Variants in KLC1 observed in about 807,000 individuals in gnomAD.
The protein encoded by KLC1 is kinesin light chain 1.
In KLC1, 30 loss-of-function variants were observed where a neutral mutation model predicts 84.2. The observed-to-expected ratio is 0.36, with a 90% CI of 0.27 to 0.48. KLC1 has a LOEUF of 0.48. KLC1 is among the 20% of genes least tolerant of loss of function. The probability of loss-of-function intolerance (pLI) is 0.99; values close to 1 mark genes in which losing one functional copy is unlikely to be tolerated. For synonymous variants in KLC1, 289 were observed against 293.3 expected (o/e 0.99, Z 0.15); for missense variants, 499 against 805.4 (o/e 0.62, Z 4.60).
At chr14:103,692,210 A>G in intron 14 of KLC1, 149 bp from the exon 15 acceptor site, 1 of 644,684 alleles carries the variant, frequency 1.6e-6, no homozygotes, top group Non-Finnish European at 2.7e-6. Flanking sequence ...GAGACATAGG[A>G]CTCCCCGGTT....
chr14:103,659,981 A>G (rs1014551798), intron 3 of KLC1, among the ~76,000 whole-genome samples: 1 of 152,036 alleles, frequency 6.6e-6, no homozygotes, highest in Non-Finnish European at 1.5e-5. Context: ...CACTAATCCC[A>G]TCATGAGGGC....
Position 103,694,706 on chromosome 14 carries a change from G to A in KLC1, c.1848+2281G>A, listed in dbSNP as rs893231123. The A allele has an allele frequency of 5.1e-6, 5 of 985,494 alleles. No homozygotes were observed. The highest frequency in any genetic ancestry group is 4.8e-6 in the Non-Finnish European group (4 of 829,934). The allele number at this position is 985,494 out of a possible 1,614,324, so 61.0% of individuals were successfully genotyped here. A position where few individuals can be genotyped will look rare whatever the true frequency, so the allele number is the denominator to read the frequency against. ...GTGAAACACCAGCCATCCCGTGAAA[G>A]CTCAGCTTGCCACTGTCATGTAACA... On this transcript the variant is annotated intron_variant, in intron 15 of 16. Transcript: ENST00000334553. This position sits in a 1 kb window ranked among gnomAD's most constrained non-coding sequence, Gnocchi z 4.5.
intron 9 of KLC1, among the ~76,000 whole-genome samples, chr14:103,674,494 A>C (rs947548888): frequency 3.3e-5 from 5 of 151,488 alleles, no homozygotes; most frequent in Non-Finnish European, 5.9e-5. Flanking sequence ...GGCTCACTGC[A>C]ACCTCTGCCT....
intron 1 of KLC1, among the ~76,000 whole-genome samples, chr14:103,642,619 T>C (rs1033498339): frequency 6.6e-6 from 1 of 152,072 alleles, no homozygotes; most frequent in Non-Finnish European, 1.5e-5. Flanking sequence ...GCCTGAAGCT[T>C]CTTCTAGTGT....
In KLC1 at chr14:103,701,196, T is replaced by C; in HGVS notation, c.*2-5T>C. 6.4e-7 allele frequency: 1 copy of C among 1,550,914 alleles called. No homozygotes were observed. The highest frequency in any genetic ancestry group is 8.7e-7 in the Non-Finnish European group (1 of 1,146,490). On this transcript the variant is annotated splice_region_variant and splice_polypyrimidine_tract_variant and intron_variant, in intron 16 of 16. Transcript: ENST00000334553. ...CCAGCCCTGACCTTCTATCTTCTCT[T>C]GCAGTGACCCCGACCTGGCCCCGCT... is the stretch of plus-strand genomic sequence containing the variant.
At chr14:103,685,505 A>G (rs1865221239) in intron 13 of KLC1, 1 of 1,271,064 alleles carries the variant, frequency 7.9e-7, no homozygotes, top group Non-Finnish European at 1.0e-6. Flanking sequence ...AGGTCATCCC[A>G]GTCCTAAAGC....
chr14:103,660,386 C>T (rs1453432607), intron 3 of KLC1, among the ~76,000 whole-genome samples: 2 of 151,278 alleles, frequency 1.3e-5, no homozygotes, highest in Non-Finnish European at 2.9e-5. Flanking sequence ...GAGGCTGAGG[C>T]AGGAGAATCG....
chr14:103,698,976 CAG>C, intron 15 of KLC1: 1 of 1,598,662 alleles, frequency 6.3e-7, no homozygotes, highest in Non-Finnish European at 8.5e-7. Flanking sequence ...CTGGTTAGCC[CAG>C]GTTATGCCAA....
intron 1 of KLC1, among the ~76,000 whole-genome samples, chr14:103,632,428 C>T (rs1273309720): frequency 6.6e-6 from 1 of 151,082 alleles, no homozygotes. Flanking sequence ...ACAAAAAGAG[C>T]CGCTGTCAGC....
At chr14:103,649,145 A>G (rs1380376649) in intron 1 of KLC1, among the ~76,000 whole-genome samples, 1 of 151,988 alleles carries the variant, frequency 6.6e-6, no homozygotes, top group Admixed American at 6.6e-5. Flanking sequence ...TTAAAAAAAA[A>G]CAAAGAAACA....
chr14:103,666,773 CTTTCTT>C (rs950671422), intron 5 of KLC1, among the ~76,000 whole-genome samples: 1 of 104,698 alleles, frequency 9.6e-6, no homozygotes, highest in Non-Finnish European at 2.0e-5. Context: ...CATTTTTTTT[CTTTCTT>C]TTTTTTTTTT....
chr14:103,664,161 C>T (rs1174891774), intron 5 of KLC1, among the ~76,000 whole-genome samples: 1 of 151,676 alleles, frequency 6.6e-6, no homozygotes, highest in Non-Finnish European at 1.5e-5. Context: ...TTTCTTTTTT[C>T]TTTTTTTTGA....
intron 7 of KLC1, among the ~76,000 whole-genome samples, chr14:103,671,996 A>G (rs1225279895): frequency 6.6e-6 from 1 of 152,146 alleles, no homozygotes; most frequent in Non-Finnish European, 1.5e-5. Context: ...AGAGTTGGTG[A>G]TTTACAGATC....
intron 15 of KLC1, chr14:103,697,920 C>G (rs1041955715): frequency 6.6e-6 from 1 of 152,524 alleles, no homozygotes; most frequent in South Asian, 2.1e-4. Flanking sequence ...CCTGCCATAT[C>G]CCTACCAGAA....
At chr14:103,678,440 G>A (rs75765402) in intron 12 of KLC1, among the ~76,000 whole-genome samples, 16 of 151,982 alleles carry the variant, frequency 1.1e-4, no homozygotes, top group East Asian at 7.7e-4. Context: ...ATTCCTGCAC[G>A]TTGGGAGGCT....
chr14:103,677,185 T>G (rs889503797), intron 11 of KLC1, among the ~76,000 whole-genome samples: 1 of 152,192 alleles, frequency 6.6e-6, no homozygotes, highest in African/African-American at 2.4e-5. Flanking sequence ...AGTGTGGTGT[T>G]AGCCTGGCCT....
chr14:103,665,407 T>A (rs942727032), intron 5 of KLC1, among the ~76,000 whole-genome samples: 6 of 152,056 alleles, frequency 3.9e-5, no homozygotes, highest in African/African-American at 1.4e-4. Flanking sequence ...TCTGTCTGTC[T>A]TTCTGTCTTG....
In KLC1 at chr14:103,679,565, G is replaced by A; in HGVS notation, c.1650+20G>A. On this transcript the variant is annotated intron_variant, in intron 13 of 16. Transcript: ENST00000334553. ...AACGGGGTAAGTACAGTACACAGCG[G>A]GCACGTGCTCCGGGAGGCGCCCCCA... 6.3e-7 allele frequency: 1 copy of A among 1,589,748 alleles called. No individual in the cohort carries two copies. Among genetic ancestry groups the A allele is most frequent in the Non-Finnish European group, 8.6e-7 (1 of 1,160,260 alleles).
At position 103,643,244 on chromosome 14, in the gene KLC1, G is replaced by C. The variant is rs553053212; in HGVS notation, c.-1-11320G>C. Reference sequence around the variant, plus strand: ...TAATGGTAGATTCTTCCATCTTCCAGAGGGTCCTCTATAACTTTCCCCATC... The same window carrying C: ...TAATGGTAGATTCTTCCATCTTCCACAGGGTCCTCTATAACTTTCCCCATC... On this transcript the variant is annotated intron_variant, in intron 1 of 16. Transcript: ENST00000334553. Among the ~76,000 whole-genome samples the C allele has an allele frequency of 5.3e-5, 8 of 152,280 alleles. No homozygotes were observed. The South Asian group carries it at 1.7e-3, about 32-fold the overall frequency.
Sources: gnomAD v4.1 joint callset for allele counts (sites outside exome capture counted in the v4.1 genomes callset) on GRCh38, gnomAD v4.1.1 for gene constraint, Gnocchi (gnomAD v3.1) non-coding constraint, MANE v1.5 for transcripts, NCBI Gene and HGNC (gene_info 2026-07-23, HGNC 2026-07-21) for gene names.